The following YWHAG variants were observed in gnomAD, a reference collection of about 807,000 sequenced individuals.
The protein encoded by YWHAG is 14-3-3 protein gamma.
YWHAG carries 1 observed loss-of-function variant against 23.3 expected under a neutral mutation model. The ratio of observed to expected loss-of-function variants is 0.04; its 90% CI spans 0.02 to 0.20. The LOEUF (loss-of-function observed/expected upper bound fraction) is 0.20. Ranked by LOEUF, YWHAG falls within the 10% of genes least tolerant of loss-of-function variation. The pLI is 1.00. For missense variants in YWHAG, 151 were observed against 338.6 expected (o/e 0.45, Z 4.35); for synonymous variants, 160 against 144.0 (o/e 1.11, Z -0.80).
At chr7:76,337,006 G>A (rs188683026) in intron 1 of YWHAG, among the ~76,000 whole-genome samples, 35 of 152,282 alleles carry the variant, frequency 2.3e-4, no homozygotes, top group Non-Finnish European at 4.3e-4. Flanking sequence ...GATGGGACAC[G>A]GTTCTCCTTC....
intron 1 of YWHAG, among the ~76,000 whole-genome samples, chr7:76,346,669 C>G (rs1451408487): frequency 6.6e-6 from 1 of 152,140 alleles, no homozygotes. Flanking sequence ...CCGTTCTTGT[C>G]CAGGTCCCTG....
intron 1 of YWHAG, among the ~76,000 whole-genome samples, chr7:76,347,816 T>C (rs1262335820): frequency 6.6e-6 from 1 of 152,224 alleles, no homozygotes; most frequent in African/African-American, 2.4e-5. Flanking sequence ...AGGTATCTGC[T>C]TCCATTCGGT....
intron 1 of YWHAG, among the ~76,000 whole-genome samples, chr7:76,339,013 CCT>C (rs1156472167): frequency 5.3e-5 from 8 of 152,136 alleles, no homozygotes; most frequent in East Asian, 3.9e-4. Context: ...CACAATTTAC[CCT>C]GTTATTCATA....
chr7:76,330,719 C>T (rs1197707494), intron 1 of YWHAG, among the ~76,000 whole-genome samples: 1 of 152,212 alleles, frequency 6.6e-6, no homozygotes, highest in African/African-American at 2.4e-5. Context: ...AATTCTAAAC[C>T]TCAGGGAGTC....
chr7:76,336,278 G>A (rs4595040), intron 1 of YWHAG, among the ~76,000 whole-genome samples: 4,117 of 152,186 alleles, frequency 0.027, 199 homozygotes, highest in African/African-American at 0.093. Flanking sequence ...CCAAGAGTGA[G>A]CTCTACTGTA....
intron 1 of YWHAG, among the ~76,000 whole-genome samples, chr7:76,344,536 G>T (rs142170966): frequency 6.6e-6 from 1 of 152,016 alleles, no homozygotes; most frequent in African/African-American, 2.4e-5. Context: ...AAATTAGTTC[G>T]ATCAAAATTA....
chr7:76,334,469 C>T (rs1156829435), intron 1 of YWHAG, among the ~76,000 whole-genome samples: 2 of 152,062 alleles, frequency 1.3e-5, no homozygotes, highest in Admixed American at 6.6e-5. Context: ...ACTCTGTTGC[C>T]CTGGCTGGAG....
At chr7:76,345,242 G>A (rs1008864986) in intron 1 of YWHAG, among the ~76,000 whole-genome samples, 1 of 148,676 alleles carries the variant, frequency 6.7e-6, no homozygotes. Flanking sequence ...CTGGAGTGCA[G>A]TGGCACGATC....
chr7:76,335,060 TTTTA>T (rs1436173414), intron 1 of YWHAG, among the ~76,000 whole-genome samples: 10 of 152,258 alleles, frequency 6.6e-5, no homozygotes, highest in African/African-American at 2.2e-4. Context: ...CTTATTTTTA[TTTTA>T]TTTATTTTTT....
chr7:76,348,265 GTTTTTT>G (rs201085040), intron 1 of YWHAG, among the ~76,000 whole-genome samples: 1 of 127,382 alleles, frequency 7.9e-6, no homozygotes. Context: ...CTTAGACTTC[GTTTTTT>G]TTTTTTTTTT....
chr7:76,344,875 TTC>T (rs1261707139), intron 1 of YWHAG, among the ~76,000 whole-genome samples: 1 of 152,212 alleles, frequency 6.6e-6, no homozygotes, highest in Non-Finnish European at 1.5e-5. Context: ...ATACTGTCCT[TTC>T]TCTCTTAGCA....
intron 1 of YWHAG, among the ~76,000 whole-genome samples, chr7:76,331,244 G>A (rs556745280): frequency 1.5e-4 from 22 of 151,122 alleles, no homozygotes; most frequent in African/African-American, 1.7e-4. Context: ...TCTGCCTACC[G>A]AGGAGCTGGG....
intron 1 of YWHAG, among the ~76,000 whole-genome samples, chr7:76,341,547 G>C (rs976764430): frequency 6.6e-6 from 1 of 151,984 alleles, no homozygotes; most frequent in Non-Finnish European, 1.5e-5. Context: ...CTATGTAATG[G>C]AATATTATTT....
chr7:76,358,238 G>T (rs562467427), intron 1 of YWHAG, among the ~76,000 whole-genome samples: 1 of 152,194 alleles, frequency 6.6e-6, no homozygotes. Flanking sequence ...GAAGATTCTG[G>T]GGGGGCTGGG....
intron 1 of YWHAG, among the ~76,000 whole-genome samples, chr7:76,331,581 G>A (rs1211155560): frequency 6.7e-6 from 1 of 148,416 alleles, no homozygotes; most frequent in African/African-American, 2.5e-5. Flanking sequence ...ATCAACTATT[G>A]TTAGTGTTAG....
rs1803479180 is a variant in YWHAG at position 76,328,078 on chromosome 7, C to A, written c.*1499G>T. 1 of 152,028 alleles carries A rather than the reference C, an allele frequency of 6.6e-6. No homozygotes were observed. Among genetic ancestry groups the A allele is most frequent in the Non-Finnish European group, 1.5e-5 (1 of 68,028 alleles). 9.4% of individuals were successfully genotyped at this position (152,028 alleles called of 1,614,324 possible). On this transcript the variant is annotated 3_prime_UTR_variant, in exon 2 of 2. Coordinates refer to ENST00000307630, the MANE Select transcript of YWHAG (RefSeq NM_012479.4). ...ATTACACGTCTCGGGAGTTCCTCGT[C>A]ACTGACTTTATATATATAAAAAAAA...
intron 1 of YWHAG, among the ~76,000 whole-genome samples, chr7:76,338,026 A>T (rs375691369): frequency 2.6e-5 from 4 of 152,152 alleles, no homozygotes; most frequent in African/African-American, 9.6e-5. Flanking sequence ...AATGGCCACT[A>T]CTTATCAAAT....
intron 1 of YWHAG, among the ~76,000 whole-genome samples, chr7:76,332,226 C>T (rs889112349): frequency 6.6e-6 from 1 of 152,200 alleles, no homozygotes; most frequent in Non-Finnish European, 1.5e-5. Flanking sequence ...CTTTGCTCCA[C>T]CACCTCTTGT....
At chr7:76,358,276 G>A (rs1803991584) in intron 1 of YWHAG, among the ~76,000 whole-genome samples, 1 of 152,222 alleles carries the variant, frequency 6.6e-6, no homozygotes, top group Non-Finnish European at 1.5e-5. Flanking sequence ...GACCTGCTGA[G>A]TGAATGGGAA....
Sources: allele counts gnomAD v4.1 joint callset (sites outside exome capture counted in the v4.1 genomes callset), GRCh38; gene constraint gnomAD v4.1.1; transcripts MANE v1.5; gene names NCBI Gene and HGNC (gene_info 2026-07-23, HGNC 2026-07-21).